Variants in ERBB4 observed in about 807,000 individuals in gnomAD.
ERBB4 encodes the protein erb-b2 receptor tyrosine kinase 4.
A neutral mutation model predicts 158.0 loss-of-function variants in ERBB4; 42 were observed. The observed-to-expected ratio is 0.27, with a 90% CI of 0.21 to 0.34. The LOEUF (loss-of-function observed/expected upper bound fraction) is 0.34. Ranked by LOEUF, ERBB4 falls within the 10% of genes least tolerant of loss-of-function variation. The pLI is 1.00. For synonymous variants in ERBB4, 583 were observed against 558.7 expected, an observed-to-expected ratio of 1.04 and a Z score of -0.61; for missense variants, 1,333 against 1,624.1, an observed-to-expected ratio of 0.82 and a Z score of 3.08.
At chr2:211,797,160 C>G (rs183864110) in intron 3 of ERBB4, among the ~76,000 whole-genome samples, 131 of 152,010 alleles carry the variant, frequency 8.6e-4, no homozygotes, top group Admixed American at 1.6e-3. Context: ...AGAAAGCCCT[C>G]ATTACAGACA....
intron 20 of ERBB4, among the ~76,000 whole-genome samples, chr2:211,561,482 T>C (rs2067390827): frequency 6.6e-6 from 1 of 152,228 alleles, no homozygotes; most frequent in Non-Finnish European, 1.5e-5. Context: ...TATTTAGACT[T>C]TGCTCATTTG....
At chr2:212,494,296 T>C (rs1012868092) in intron 1 of ERBB4, among the ~76,000 whole-genome samples, 2 of 152,016 alleles carry the variant, frequency 1.3e-5, no homozygotes, top group Non-Finnish European at 2.9e-5. Flanking sequence ...GTAGGTATGT[T>C]CCACACTAAT....
intron 13 of ERBB4, among the ~76,000 whole-genome samples, chr2:211,676,647 G>C (rs1031485790): frequency 5.9e-5 from 9 of 152,114 alleles, no homozygotes; most frequent in Admixed American, 3.3e-4. Context: ...ATAGTGTTGC[G>C]AGTTCAGCCC....
intron 1 of ERBB4, among the ~76,000 whole-genome samples, chr2:212,241,298 T>G (rs1164237814): frequency 6.6e-6 from 1 of 151,950 alleles, no homozygotes; most frequent in Non-Finnish European, 1.5e-5. Flanking sequence ...TTTAAAACCA[T>G]TCAAACAGTA....
At chr2:211,506,893 G>C (rs2065765469) in intron 20 of ERBB4, among the ~76,000 whole-genome samples, 2 of 151,894 alleles carry the variant, frequency 1.3e-5, no homozygotes, top group South Asian at 2.1e-4. Flanking sequence ...ATGAGATTGA[G>C]ACCAAAAAAA....
At chr2:211,438,187 G>A (rs573518200) in intron 20 of ERBB4, among the ~76,000 whole-genome samples, 38 of 152,294 alleles carry the variant, frequency 2.5e-4, no homozygotes, top group East Asian at 7.7e-4. Flanking sequence ...TGGATTGGCC[G>A]AAATGATCTC....
intron 12 of ERBB4, among the ~76,000 whole-genome samples, chr2:211,700,721 ACACT>A (rs2073202845): frequency 1.3e-5 from 2 of 152,138 alleles, no homozygotes; most frequent in African/African-American, 4.8e-5. Context: ...ACACACGCAC[ACACT>A]CACACGTATA....
intron 20 of ERBB4, among the ~76,000 whole-genome samples, chr2:211,509,314 C>T (rs1313677425): frequency 4.6e-5 from 7 of 152,180 alleles, no homozygotes; most frequent in Non-Finnish European, 8.8e-5. Context: ...AACAAACCTG[C>T]ACATTCTGTA....
At chr2:212,376,394 G>A (rs918992707) in intron 1 of ERBB4, among the ~76,000 whole-genome samples, 3 of 151,998 alleles carry the variant, frequency 2.0e-5, no homozygotes, top group Non-Finnish European at 4.4e-5. Flanking sequence ...TTTGCTTCTT[G>A]ACTTTCCGGA....
At chr2:212,445,745 G>C (rs749439113) in intron 1 of ERBB4, among the ~76,000 whole-genome samples, 2 of 152,180 alleles carry the variant, frequency 1.3e-5, no homozygotes, top group Non-Finnish European at 2.9e-5. Context: ...AGGAATGAAG[G>C]TTTGGGTCAC....
chr2:211,970,453 A>G (rs556659114), intron 2 of ERBB4, among the ~76,000 whole-genome samples: 5 of 151,966 alleles, frequency 3.3e-5, no homozygotes, highest in Non-Finnish European at 5.9e-5. Context: ...TTCTGTCTTG[A>G]TGATCTAATA....
intron 20 of ERBB4, among the ~76,000 whole-genome samples, chr2:211,439,516 T>G (rs760377037): frequency 6.6e-6 from 1 of 152,166 alleles, no homozygotes; most frequent in East Asian, 1.9e-4. Context: ...ATCTACTGAG[T>G]ATATTTTTAT....
At chr2:212,222,422 A>C (rs2083320076) in intron 1 of ERBB4, among the ~76,000 whole-genome samples, 1 of 151,622 alleles carries the variant, frequency 6.6e-6, no homozygotes, top group African/African-American at 2.4e-5. Flanking sequence ...AAATTAAGAG[A>C]AATCAACTCA....
Position 211,750,627 on chromosome 2 carries a change from A to G in ERBB4, c.622+12T>C, listed in dbSNP as rs1239306431. Reference sequence around the variant, plus strand: ...ACATCAAACCTGTGTGCTCTCACTGATGAACACTTACAAGTCTGGCAATGA... The same window carrying G: ...ACATCAAACCTGTGTGCTCTCACTGGTGAACACTTACAAGTCTGGCAATGA... On this transcript the variant is annotated intron_variant, in intron 5 of 27. Transcript: ENST00000342788. The G allele has an allele frequency of 5.0e-6, 8 of 1,612,030 alleles. No homozygotes were observed.
In ERBB4 at chr2:212,447,456, C is replaced by A. The variant is rs1237095174; in HGVS notation, c.82+90993G>T. Among the ~76,000 whole-genome samples the A allele has an allele frequency of 2.6e-5, 4 of 152,094 alleles. No homozygotes were observed. In the East Asian group the frequency reaches 7.7e-4, roughly 29 times the overall value. On this transcript the variant is annotated intron_variant, in intron 1 of 27. Transcript: ENST00000342788. Reference sequence around the variant, plus strand: ...ATTACTTTTTCCCAGAAAACAAAGTCAAGATTTCCACCCTCTCTTTTATTA... The same window carrying A: ...ATTACTTTTTCCCAGAAAACAAAGTAAAGATTTCCACCCTCTCTTTTATTA...
At chr2:211,900,131 T>A (rs1462858054) in intron 3 of ERBB4, among the ~76,000 whole-genome samples, 1 of 152,102 alleles carries the variant, frequency 6.6e-6, no homozygotes, top group African/African-American at 2.4e-5. Flanking sequence ...GTATGCCAAA[T>A]ATAAATACCC....
chr2:212,286,604 T>G (rs1470600294), intron 1 of ERBB4, among the ~76,000 whole-genome samples: 1 of 129,568 alleles, frequency 7.7e-6, no homozygotes, highest in African/African-American at 3.0e-5. Flanking sequence ...CTTTTTTTTT[T>G]TTTTTTTTTT....
At chr2:211,572,052 A>C (rs1347538952) in intron 19 of ERBB4, among the ~76,000 whole-genome samples, 1 of 152,050 alleles carries the variant, frequency 6.6e-6, no homozygotes, top group Non-Finnish European at 1.5e-5. Flanking sequence ...TAATTTGCCA[A>C]GTCCTATTAA....
chr2:212,035,687 C>A (rs2076997163), intron 2 of ERBB4, among the ~76,000 whole-genome samples: 1 of 152,124 alleles, frequency 6.6e-6, no homozygotes, highest in South Asian at 2.1e-4. Flanking sequence ...CAAATGTTAG[C>A]TACTTGAGGG....
Sources: gnomAD v4.1 joint callset for allele counts (sites outside exome capture counted in the v4.1 genomes callset) on GRCh38, gnomAD v4.1.1 for gene constraint, MANE v1.5 for transcripts, NCBI Gene and HGNC (gene_info 2026-07-23, HGNC 2026-07-21) for gene names.